The following ANO4 variants were observed in gnomAD, a reference collection of about 807,000 sequenced individuals.
ANO4 encodes anoctamin 4.
A neutral mutation model predicts 141.9 loss-of-function variants in ANO4; 69 were observed. That is an observed-to-expected ratio of 0.49 (90% CI 0.40 to 0.59). ANO4 has a LOEUF of 0.59. ANO4 is among the 20% of genes least tolerant of loss of function. The probability of loss-of-function intolerance (pLI) is 0.00; values close to 1 mark genes in which losing one functional copy is unlikely to be tolerated. For missense variants in ANO4, 894 were observed against 1,162.2 expected (o/e 0.77, Z 3.36); for synonymous variants, 350 against 394.3 (o/e 0.89, Z 1.33).
chr12:100,999,708 A>G (rs981923606), intron 8 of ANO4, among the ~76,000 whole-genome samples: 27 of 152,118 alleles, frequency 1.8e-4, no homozygotes, highest in African/African-American at 6.0e-4. Context: ...GGAGAGAGGA[A>G]GGTGGCAATA....
chr12:100,864,305 C>T (rs911635718), intron 1 of ANO4, among the ~76,000 whole-genome samples: 11 of 151,978 alleles, frequency 7.2e-5, no homozygotes, highest in Middle Eastern at 3.4e-3. Flanking sequence ...CCATTTTACA[C>T]GAATTACATG....
At chr12:101,060,481 A>G (rs1040991257) in intron 14 of ANO4, among the ~76,000 whole-genome samples, 4 of 152,108 alleles carry the variant, frequency 2.6e-5, no homozygotes, top group Non-Finnish European at 5.9e-5. Flanking sequence ...ACAGTGGGGT[A>G]TTAAATCTCC....
At chr12:100,982,492 C>G (rs1234089126) in intron 7 of ANO4, among the ~76,000 whole-genome samples, 3 of 152,188 alleles carry the variant, frequency 2.0e-5, no homozygotes, top group African/African-American at 7.2e-5. Context: ...TAGGGAGATT[C>G]ACAGATTTTG....
At chr12:101,010,303 A>T (rs1388943490) in intron 8 of ANO4, among the ~76,000 whole-genome samples, 1 of 152,172 alleles carries the variant, frequency 6.6e-6, no homozygotes, top group Non-Finnish European at 1.5e-5. Context: ...AATGTTTCTT[A>T]ATTTGTATTT....
chr12:100,859,109 T>C (rs1234387032), intron 1 of ANO4: 1 of 152,190 alleles, frequency 6.6e-6, no homozygotes, highest in East Asian at 1.9e-4. Flanking sequence ...TGTTCACAAG[T>C]ATATGGCTCC....
chr12:100,760,440 A>G (rs2032803015), intron 3 of ANO4, among the ~76,000 whole-genome samples: 1 of 152,158 alleles, frequency 6.6e-6, no homozygotes, highest in Non-Finnish European at 1.5e-5. Flanking sequence ...TTTCTCTCTC[A>G]GTGAGAGGTG....
chr12:100,951,849 G>A (rs2042982068), intron 5 of ANO4, among the ~76,000 whole-genome samples: 1 of 152,134 alleles, frequency 6.6e-6, no homozygotes, highest in African/African-American at 2.4e-5. Context: ...TTTAGGGCTG[G>A]ATAATTCTTT....
intron 1 of ANO4, among the ~76,000 whole-genome samples, chr12:100,819,967 C>A (rs2035945909): frequency 6.6e-6 from 1 of 151,914 alleles, no homozygotes. Flanking sequence ...TCTTATTTGT[C>A]TTTTGATCCC....
At chr12:100,903,196 G>A (rs1040104892) in intron 2 of ANO4, among the ~76,000 whole-genome samples, 3 of 152,146 alleles carry the variant, frequency 2.0e-5, no homozygotes, top group African/African-American at 7.2e-5. Flanking sequence ...ACAATGTAGT[G>A]GATGCTTGCC....
intron 14 of ANO4, chr12:101,068,682 T>A (rs1338158927): frequency 1.5e-6 from 2 of 1,308,734 alleles, no homozygotes; most frequent in African/African-American, 1.4e-5. Context: ...ACTATTAGAG[T>A]AGGATCAAAG....
intron 1 of ANO4, among the ~76,000 whole-genome samples, chr12:100,871,373 T>G (rs555438104): frequency 6.6e-6 from 1 of 152,316 alleles, no homozygotes; most frequent in Non-Finnish European, 1.5e-5. Flanking sequence ...CCAAACTTGT[T>G]GGCACCCTGC....
chr12:101,055,675 T>C (rs1342236719), intron 14 of ANO4, among the ~76,000 whole-genome samples: 2 of 152,302 alleles, frequency 1.3e-5, no homozygotes, highest in Admixed American at 1.3e-4. Flanking sequence ...TTTTTCTTTT[T>C]ATATAGTCTA....
At chr12:100,949,004 C>G (rs1186850347) in intron 5 of ANO4, among the ~76,000 whole-genome samples, 1 of 152,128 alleles carries the variant, frequency 6.6e-6, no homozygotes, top group Non-Finnish European at 1.5e-5. Flanking sequence ...GGCCACCTAG[C>G]AAAGAAAGGT....
At chr12:101,048,454 T>G (rs1210444209) in intron 14 of ANO4, 53 bp downstream of exon 14, 2 of 1,497,474 alleles carry the variant, frequency 1.3e-6, no homozygotes, top group Non-Finnish European at 1.8e-6. Flanking sequence ...CCCTATGATA[T>G]ATTCCTTTAG....
At chr12:101,039,497 C>G (rs914179219) in intron 10 of ANO4, among the ~76,000 whole-genome samples, 7 of 152,008 alleles carry the variant, frequency 4.6e-5, no homozygotes, top group African/African-American at 1.7e-4. Context: ...AGAGTGAAAC[C>G]CAGTCTCAAA....
In ANO4 at chr12:101,097,668, G is replaced by A. The variant is rs777441013; in HGVS notation, c.1868G>A (p.Gly623Asp). 6.2e-7 allele frequency: 1 copy of A among 1,613,776 alleles called. No homozygotes were observed. The highest frequency in any genetic ancestry group is 8.5e-7 in the Non-Finnish European group (1 of 1,179,792). Residue 623 changes from glycine to aspartate, a missense_variant, in exon 20 of 28, where the codon GGT becomes GAT. Gly to Asp is a moderately conservative substitution (Grantham distance 94, BLOSUM62 -1). Around this residue, in one of 2 missense-constraint regions of ANO4, gnomAD observed 637 missense variants for 909.2 expected, o/e 0.70. Coordinates refer to ENST00000392977, the MANE Select transcript of ANO4 (RefSeq NM_001286615.2). ...TGTTGAAGATTTACAGGACACCCAG[G>A]TGCCTACTTGAGGCTGATAAACAGG... The part of the protein sequence containing the change: ...FFLGRFTGHP[G>D]AYLRLINRWR...
intron 1 of ANO4, among the ~76,000 whole-genome samples, chr12:100,846,411 TA>T (rs944480738): frequency 1.1e-4 from 16 of 152,226 alleles, no homozygotes; most frequent in African/African-American, 3.9e-4. Context: ...AAAAACTTAA[TA>T]AAATATCACT....
intron 7 of ANO4, among the ~76,000 whole-genome samples, chr12:100,985,817 A>G (rs2044683358): frequency 6.6e-6 from 1 of 152,160 alleles, no homozygotes; most frequent in South Asian, 2.1e-4. Context: ...GAAGTTTACC[A>G]TTATTTTTTA....
intron 7 of ANO4, among the ~76,000 whole-genome samples, chr12:100,975,661 G>A (rs957172780): frequency 6.6e-5 from 10 of 151,506 alleles, no homozygotes; most frequent in African/African-American, 1.9e-4. Context: ...GGCTAGTCTC[G>A]AACTCCTGAC....
Sources: gnomAD v4.1 joint callset for allele counts (sites outside exome capture counted in the v4.1 genomes callset) on GRCh38, gnomAD v4.1.1 for gene constraint, gnomAD v4.1.1 regional missense constraint, MANE v1.5 for transcripts, NCBI Gene and HGNC (gene_info 2026-07-23, HGNC 2026-07-21) for gene names.